SCFD2: variants seen among roughly 807,000 people sequenced by gnomAD.
SCFD2 encodes the protein sec1 family domain containing 2.
SCFD2 carries 54 observed loss-of-function variants against 58.9 expected under a neutral mutation model. That is an observed-to-expected ratio of 0.92 (90% CI 0.74 to 1.15). SCFD2 has a LOEUF of 1.15. Ranked by LOEUF, SCFD2 falls within the 50% of genes most tolerant of loss-of-function variation. The probability of loss-of-function intolerance (pLI) is 0.00; values close to 1 mark genes in which losing one functional copy is unlikely to be tolerated. For synonymous variants in SCFD2, 321 were observed against 335.9 expected (o/e 0.96, Z 0.49); for missense variants, 805 against 836.6 (o/e 0.96, Z 0.47).
At chr4:53,319,602 A>G (rs1274759717) in intron 2 of SCFD2, among the ~76,000 whole-genome samples, 2 of 151,384 alleles carry the variant, frequency 1.3e-5, no homozygotes, top group African/African-American at 4.9e-5. Context: ...GCATGATCTC[A>G]GCTCACTGCA....
chr4:53,087,805 C>A (rs749442581), intron 5 of SCFD2, among the ~76,000 whole-genome samples: 28 of 151,984 alleles, frequency 1.8e-4, no homozygotes, highest in Non-Finnish European at 3.8e-4. Context: ...GGATTACAGG[C>A]ACCCACCACC....
intron 5 of SCFD2, among the ~76,000 whole-genome samples, chr4:53,064,063 G>T: frequency 6.6e-6 from 1 of 150,560 alleles, no homozygotes; most frequent in Non-Finnish European, 1.5e-5. Flanking sequence ...ATTTTTTCTT[G>T]GTAATAGCTC....
intron 2 of SCFD2, among the ~76,000 whole-genome samples, chr4:53,330,151 A>G (rs971498498): frequency 3.3e-5 from 5 of 152,212 alleles, no homozygotes; most frequent in Non-Finnish European, 7.3e-5. Context: ...GGAGAATGGA[A>G]CCAAGTTGGA....
chr4:53,255,463 C>A (rs1179765956), intron 4 of SCFD2, among the ~76,000 whole-genome samples: 1 of 152,070 alleles, frequency 6.6e-6, no homozygotes. Context: ...GCACATCTTG[C>A]ACTGCCCTTA....
At chr4:53,093,314 C>A (rs1360005502) in intron 5 of SCFD2, among the ~76,000 whole-genome samples, 1 of 152,026 alleles carries the variant, frequency 6.6e-6, no homozygotes, top group African/African-American at 2.4e-5. Flanking sequence ...AAAGGATCAC[C>A]ATGGCTGCTG....
At chr4:53,178,980 C>T (rs1727445223) in intron 4 of SCFD2, among the ~76,000 whole-genome samples, 1 of 152,188 alleles carries the variant, frequency 6.6e-6, no homozygotes, top group South Asian at 2.1e-4. Context: ...AACAAAGCCT[C>T]TAAGAAACAT....
chr4:53,080,710 T>A lies in SCFD2; in HGVS notation c.1561+64623A>T, dbSNP rs116340307. Among the ~76,000 whole-genome samples, 1,224 of 152,244 alleles carry A rather than the reference T, an allele frequency of 8.0e-3. 13 individuals carry two copies. The highest frequency in any genetic ancestry group is 0.028 in the African/African-American group (1,171 of 41,560). ...AAATCTTCATTTAACCCCTAAGAAC[T>A]ATTTTTCATGCAATTAGGAGATATG... On this transcript the variant is annotated intron_variant, in intron 5 of 8. Transcript: ENST00000401642.
At chr4:53,341,366 G>A (rs1396175070) in intron 2 of SCFD2, among the ~76,000 whole-genome samples, 1 of 152,156 alleles carries the variant, frequency 6.6e-6, no homozygotes, top group Non-Finnish European at 1.5e-5. Flanking sequence ...AGTGATTGAA[G>A]GTCAAATGAA....
chr4:53,238,737 A>T (rs1206149152), intron 4 of SCFD2, among the ~76,000 whole-genome samples: 1 of 143,720 alleles, frequency 7.0e-6, no homozygotes, highest in Non-Finnish European at 1.5e-5. Flanking sequence ...GGCGGGGCAG[A>T]GGCGCTCCCC....
At chr4:53,292,386 G>A (rs1001919538) in intron 3 of SCFD2, among the ~76,000 whole-genome samples, 1 of 152,084 alleles carries the variant, frequency 6.6e-6, no homozygotes, top group Non-Finnish European at 1.5e-5. Context: ...TAAAAAGTGG[G>A]TGAAACACAT....
intron 7 of SCFD2, among the ~76,000 whole-genome samples, chr4:52,902,573 A>C (rs1245082715): frequency 6.6e-6 from 1 of 152,232 alleles, no homozygotes; most frequent in African/African-American, 2.4e-5. Context: ...AGGGTATTCA[A>C]GGTGGCTCTT....
At chr4:52,966,928 C>T (rs1354213954) in intron 5 of SCFD2, among the ~76,000 whole-genome samples, 2 of 152,182 alleles carry the variant, frequency 1.3e-5, no homozygotes, top group African/African-American at 4.8e-5. Context: ...GTGCAGCCAA[C>T]ACCACCATCC....
At chr4:52,972,215 G>C (rs1271663015) in intron 5 of SCFD2, among the ~76,000 whole-genome samples, 6 of 152,340 alleles carry the variant, frequency 3.9e-5, no homozygotes, top group South Asian at 2.1e-4. Context: ...AAAAGGCACA[G>C]ACTGGCAAAT....
chr4:53,186,770 G>A (rs1421911616), intron 4 of SCFD2, among the ~76,000 whole-genome samples: 1 of 151,998 alleles, frequency 6.6e-6, no homozygotes, highest in East Asian at 1.9e-4. Flanking sequence ...TTAAATAAAT[G>A]TTCAAGGGAG....
chr4:52,924,921 A>G (rs1269718765), intron 5 of SCFD2, among the ~76,000 whole-genome samples: 1 of 152,208 alleles, frequency 6.6e-6, no homozygotes, highest in Admixed American at 6.5e-5. Flanking sequence ...ATTGATAGAT[A>G]AGATGGAATA....
intron 5 of SCFD2, among the ~76,000 whole-genome samples, chr4:53,124,508 T>C (rs1454416338): frequency 1.3e-5 from 2 of 152,198 alleles, no homozygotes; most frequent in Non-Finnish European, 2.9e-5. Context: ...CAAAGTGGTT[T>C]GGGGGAAGAA....
intron 2 of SCFD2, among the ~76,000 whole-genome samples, chr4:53,330,211 C>A (rs1361334879): frequency 1.3e-5 from 2 of 152,126 alleles, no homozygotes; most frequent in Non-Finnish European, 2.9e-5. Flanking sequence ...TCTCGCAAGG[C>A]AAGCCAACGT....
rs529832958 is a variant in SCFD2, at chr4:52,894,750, A to G, written c.1843-8884T>C. ...CAAGTCTATCCTCTGGTTGAGAAGTACATCAAGTTACTTCAAACACTTTCT... is the reference window on the plus strand; with the variant it reads ...CAAGTCTATCCTCTGGTTGAGAAGTGCATCAAGTTACTTCAAACACTTTCT... On this transcript the variant is annotated intron_variant, in intron 7 of 8. Transcript: ENST00000401642. Among the ~76,000 whole-genome samples, 241 of 152,292 alleles carry G rather than the reference A, an allele frequency of 1.6e-3. 1 individual carries two copies. The highest frequency in any genetic ancestry group is 5.6e-3 in the African/African-American group (232 of 41,564).
intron 5 of SCFD2, among the ~76,000 whole-genome samples, chr4:53,135,539 G>A (rs867085175): frequency 9.2e-5 from 14 of 152,172 alleles, no homozygotes; most frequent in African/African-American, 2.6e-4. Context: ...ATCAGAGATC[G>A]AGACCATCCT....
Sources: gnomAD v4.1 joint callset for allele counts (sites outside exome capture counted in the v4.1 genomes callset) on GRCh38, gnomAD v4.1.1 for gene constraint, MANE v1.5 for transcripts, NCBI Gene and HGNC (gene_info 2026-07-23, HGNC 2026-07-21) for gene names.